DLGAP2: variants seen among roughly 807,000 people sequenced by gnomAD.
The protein encoded by DLGAP2 is disks large-associated protein 2.
Under a neutral mutation model 100.3 loss-of-function variants are expected in DLGAP2, and 26 were observed. The ratio of observed to expected loss-of-function variants is 0.26; its 90% CI spans 0.19 to 0.36. The LOEUF is 0.36. DLGAP2 is among the 10% of genes least tolerant of loss of function. The probability of loss-of-function intolerance (pLI) is 1.00; values close to 1 mark genes in which losing one functional copy is unlikely to be tolerated. For missense variants in DLGAP2, 1,858 were observed against 1,453.2 expected (o/e 1.28, Z -4.53); for synonymous variants, 886 against 630.1 (o/e 1.41, Z -6.08).
At chr8:1,605,070 G>T (rs1796752241) in intron 6 of DLGAP2, among the ~76,000 whole-genome samples, 1 of 152,170 alleles carries the variant, frequency 6.6e-6, no homozygotes, top group Admixed American at 6.5e-5. Flanking sequence ...GCCAACCTCG[G>T]TGCCATCGGC....
At chr8:1,303,982 T>A (rs1800429273) in intron 3 of DLGAP2, among the ~76,000 whole-genome samples, 1 of 152,236 alleles carries the variant, frequency 6.6e-6, no homozygotes, top group Admixed American at 6.5e-5. Context: ...TTTCCATTTG[T>A]GAGGAGAGTG....
At chr8:1,164,662 C>G (rs889794040) in intron 2 of DLGAP2, among the ~76,000 whole-genome samples, 2 of 152,184 alleles carry the variant, frequency 1.3e-5, no homozygotes, top group Non-Finnish European at 2.9e-5. Context: ...AGGCCCTTGC[C>G]TGAAATTGAG....
intron 2 of DLGAP2, among the ~76,000 whole-genome samples, chr8:1,048,195 A>G (rs942551183): frequency 6.6e-5 from 10 of 152,176 alleles, no homozygotes; most frequent in Admixed American, 5.2e-4. Flanking sequence ...TGAGACATCT[A>G]TGAAGAGCAC....
At chr8:812,230 G>C (rs1017575189) in intron 1 of DLGAP2, among the ~76,000 whole-genome samples, 1 of 152,156 alleles carries the variant, frequency 6.6e-6, no homozygotes, top group Non-Finnish European at 1.5e-5. Flanking sequence ...TGCAGCGAGG[G>C]TTCGAAGGCC....
At chr8:1,160,452 T>C (rs1194610513) in intron 2 of DLGAP2, among the ~76,000 whole-genome samples, 2 of 152,208 alleles carry the variant, frequency 1.3e-5, no homozygotes, top group Admixed American at 6.5e-5. Context: ...TCTCTAGCCT[T>C]GGAGGTGCTT....
chr8:1,511,134 C>T (rs1209414604), intron 4 of DLGAP2, among the ~76,000 whole-genome samples: 1 of 152,258 alleles, frequency 6.6e-6, no homozygotes, highest in East Asian at 1.9e-4. Context: ...AGTGGGTGAC[C>T]ATCCTCCATG....
chr8:1,369,281 A>T (rs531831649), intron 3 of DLGAP2: 2 of 152,172 alleles, frequency 1.3e-5, no homozygotes, highest in South Asian at 4.2e-4. Flanking sequence ...CCAGATGGAG[A>T]TGTGGGCAGG....
chr8:1,154,203 A>G (rs1796741241), intron 2 of DLGAP2, among the ~76,000 whole-genome samples: 2 of 152,162 alleles, frequency 1.3e-5, no homozygotes, highest in South Asian at 4.1e-4. Context: ...GTGAATCACT[A>G]CGGCGTCGTC....
rs536344255 is a variant in DLGAP2 at position 1,062,632 on chromosome 8, A to G, written c.73+154666A>G. Among the ~76,000 whole-genome samples the G allele has an allele frequency of 2.0e-5, 3 of 152,242 alleles. No homozygotes were observed. The South Asian group carries it at 6.2e-4, about 32-fold the overall frequency. ...CCGCTTTCCCTCGATACTTTGCAGC[A>G]TGTTTTTCCCTTGCCCTCCCTCCCT... On this transcript the variant is annotated intron_variant, in intron 2 of 14. Transcript: ENST00000637795.
chr8:1,596,217 G>A (rs1057380073), intron 6 of DLGAP2, among the ~76,000 whole-genome samples: 21 of 152,062 alleles, frequency 1.4e-4, no homozygotes, highest in African/African-American at 4.6e-4. Context: ...CTTTTTTATG[G>A]CTGCATAGTA....
intron 3 of DLGAP2, among the ~76,000 whole-genome samples, chr8:1,497,510 C>T (rs1275673417): frequency 6.6e-6 from 1 of 152,172 alleles, no homozygotes; most frequent in Non-Finnish European, 1.5e-5. Flanking sequence ...GGTTCTCCTC[C>T]CTTATACGAG....
chr8:1,358,859 G>C lies in DLGAP2; in HGVS notation c.106+99976G>C, dbSNP rs907236823. 2.0e-5 allele frequency among the ~76,000 whole-genome samples: 3 copies of C among 152,222 alleles called. No individual in the cohort carries two copies. In the South Asian group the frequency reaches 6.2e-4, roughly 32 times the overall value. ...GAAATCAGGAGCCCTGCGGCAGGGC[G>C]TGGGCTGTCTGCCACACGAGGGTGA... On this transcript the variant is annotated intron_variant, in intron 3 of 14. Coordinates refer to ENST00000637795, the MANE Select transcript of DLGAP2 (RefSeq NM_001346810.2).
chr8:1,568,953 G>T, intron 6 of DLGAP2, among the ~76,000 whole-genome samples: 1 of 130,838 alleles, frequency 7.6e-6, no homozygotes, highest in Middle Eastern at 6.6e-3. Flanking sequence ...TGGCCTCCAT[G>T]CCACTGTCCA....
chr8:1,177,029 T>C (rs1797275303), intron 2 of DLGAP2, among the ~76,000 whole-genome samples: 1 of 152,196 alleles, frequency 6.6e-6, no homozygotes, highest in South Asian at 2.1e-4. Context: ...AGATCATCGT[T>C]GATGTCGCAT....
At chr8:1,677,201 G>A (rs553442335) in intron 11 of DLGAP2, among the ~76,000 whole-genome samples, 1 of 152,328 alleles carries the variant, frequency 6.6e-6, no homozygotes, top group African/African-American at 2.4e-5. Flanking sequence ...GACAGGGACA[G>A]TGTTGGGTGG....
At chr8:1,128,734 T>C (rs1796226473) in intron 2 of DLGAP2, among the ~76,000 whole-genome samples, 3 of 152,222 alleles carry the variant, frequency 2.0e-5, no homozygotes, top group Non-Finnish European at 4.4e-5. Context: ...GTCAGAAATA[T>C]TGAAGCATAG....
At chr8:1,701,149 T>G in intron 14 of DLGAP2, 39 bp from the exon 15 acceptor site, 1 of 1,540,196 alleles carries the variant, frequency 6.5e-7, no homozygotes, top group Non-Finnish European at 8.8e-7. Context: ...GGGACCCTCC[T>G]CCGAGCACCT....
chr8:1,648,397 T>A (rs1159311435), intron 8 of DLGAP2, among the ~76,000 whole-genome samples: 11 of 152,186 alleles, frequency 7.2e-5, no homozygotes, highest in Admixed American at 4.6e-4. Context: ...CATTTTTTTT[T>A]AAATCAACTT....
chr8:1,560,899 G>A (rs1413887312), intron 5 of DLGAP2, among the ~76,000 whole-genome samples: 1 of 152,204 alleles, frequency 6.6e-6, no homozygotes, highest in Non-Finnish European at 1.5e-5. Flanking sequence ...CAGCTCTGCA[G>A]CTCTGCGGTG....
Sources: gnomAD v4.1 joint callset for allele counts (sites outside exome capture counted in the v4.1 genomes callset) on GRCh38, gnomAD v4.1.1 for gene constraint, MANE v1.5 for transcripts, NCBI Gene and HGNC (gene_info 2026-07-23, HGNC 2026-07-21) for gene names.